Variants in DRC9 observed in about 807,000 individuals in gnomAD.
The protein encoded by DRC9 is dynein regulatory complex protein 9.
At chr3:197,920,266 T>C in the DRC9 span, among the ~76,000 whole-genome samples, 11 of 152,020 alleles carry the variant, frequency 7.2e-5, no homozygotes, top group Middle Eastern at 6.8e-3. Context: ...TGACTTAGAA[T>C]ACCGGCTGAT....
At chr3:197,912,809 CAA>C in the DRC9 span, 1 of 1,387,348 alleles carries the variant, frequency 7.2e-7, no homozygotes, top group South Asian at 1.2e-5. Flanking sequence ...CAGAAGTTCT[CAA>C]GATGAGAGCA....
At chr3:197,926,130 G>A in the DRC9 span, 3 of 1,296,788 alleles carry the variant, frequency 2.3e-6, no homozygotes, top group Admixed American at 3.4e-5. Context: ...AATGATTTGT[G>A]TTTAGAGCAG....
the DRC9 span, chr3:197,938,808 A>G: frequency 6.6e-7 from 1 of 1,519,404 alleles, no homozygotes; most frequent in South Asian, 1.2e-5. Context: ...AATTAGAAAG[A>G]ATTTTTTTAA....
chr3:197,921,211 A>C, the DRC9 span, among the ~76,000 whole-genome samples: 10 of 120,118 alleles, frequency 8.3e-5, no homozygotes, highest in Admixed American at 6.2e-4. Flanking sequence ...CCGGGGATGT[A>C]ACCTGATTTC....
At chr3:197,924,005 C>G in the DRC9 span, among the ~76,000 whole-genome samples, 10 of 151,812 alleles carry the variant, frequency 6.6e-5, no homozygotes, top group African/African-American at 2.4e-4. Flanking sequence ...TTGCAATGAA[C>G]TATAATTGTG....
At chr3:197,889,853 G>T in the DRC9 span, 2 of 968,312 alleles carry the variant, frequency 2.1e-6, no homozygotes, top group Non-Finnish European at 3.2e-6. Flanking sequence ...AGCCAGGCAC[G>T]TAATCACTTC....
At chr3:197,895,878 G>C in the DRC9 span, among the ~76,000 whole-genome samples, 1 of 150,804 alleles carries the variant, frequency 6.6e-6, no homozygotes, top group African/African-American at 2.5e-5. Context: ...GGGAGGCTGA[G>C]GCAAGAGGAT....
the DRC9 span, among the ~76,000 whole-genome samples, chr3:197,907,635 C>G: frequency 6.6e-6 from 1 of 152,230 alleles, no homozygotes; most frequent in South Asian, 2.1e-4. Flanking sequence ...TTTTATGTCC[C>G]ACTGTAACAT....
the DRC9 span, among the ~76,000 whole-genome samples, chr3:197,899,063 G>C: frequency 6.6e-6 from 1 of 152,134 alleles, no homozygotes; most frequent in Non-Finnish European, 1.5e-5. Flanking sequence ...AGATGAAACA[G>C]ATTATTTTCT....
the DRC9 span, chr3:197,951,193 C>A: frequency 6.2e-7 from 1 of 1,614,064 alleles, no homozygotes; most frequent in East Asian, 2.2e-5. Flanking sequence ...TGGCTATAAG[C>A]GGGGTCTCCG....
the DRC9 span, chr3:197,950,701 C>A: frequency 1.8e-6 from 1 of 563,518 alleles, no homozygotes; most frequent in Non-Finnish European, 3.1e-6. Flanking sequence ...TTTTGTGACT[C>A]CTGTCCCTTA....
chr3:197,941,031 T>C, the DRC9 span, among the ~76,000 whole-genome samples: 5 of 152,172 alleles, frequency 3.3e-5, no homozygotes, highest in Non-Finnish European at 7.3e-5. Context: ...TCATTCTTGA[T>C]ATTCCATGAT....
chr3:197,950,258 A>G, the DRC9 span: 1 of 1,230,358 alleles, frequency 8.1e-7, no homozygotes, highest in Non-Finnish European at 1.0e-6. Flanking sequence ...TTGGGGGCAA[A>G]TAACCGGAGT....
the DRC9 span, chr3:197,944,159 C>T: frequency 1.8e-5 from 17 of 927,914 alleles, no homozygotes; most frequent in East Asian, 7.2e-5. Context: ...TTCACATCGT[C>T]GTATAATAGA....
the DRC9 span, among the ~76,000 whole-genome samples, chr3:197,909,555 C>T: frequency 1.2e-4 from 18 of 152,180 alleles, no homozygotes; most frequent in African/African-American, 4.3e-4. Flanking sequence ...CAGAATGGTT[C>T]ACTAAATTTC....
At chr3:197,947,653 C>T in the DRC9 span, among the ~76,000 whole-genome samples, 2 of 152,218 alleles carry the variant, frequency 1.3e-5, no homozygotes, top group Non-Finnish European at 2.9e-5. Flanking sequence ...TAGGTGAAAT[C>T]TCTAACATTT....
At chr3:197,934,953 AGAGT>A in the DRC9 span, among the ~76,000 whole-genome samples, 2 of 152,134 alleles carry the variant, frequency 1.3e-5, no homozygotes, top group African/African-American at 4.8e-5. Context: ...CCTGAGTGAC[AGAGT>A]GAGACCCTGT....
At chr3:197,909,531 CCTAAATCTACTGACAGAATGGTTCA>C in the DRC9 span, among the ~76,000 whole-genome samples, 2 of 152,288 alleles carry the variant, frequency 1.3e-5, no homozygotes, top group Non-Finnish European at 2.9e-5. Context: ...CTGGAAACAA[CCTAAATCTACTGACAGAATGGTTCA>C]CTAAATTTCA....
the DRC9 span, among the ~76,000 whole-genome samples, chr3:197,948,968 G>T: frequency 3.4e-3 from 511 of 152,254 alleles, 3 homozygotes; most frequent in Non-Finnish European, 4.7e-3. Context: ...CAATATAGAA[G>T]TCAGATAGAG....
Sources: allele counts gnomAD v4.1 joint callset (sites outside exome capture counted in the v4.1 genomes callset), GRCh38; gene constraint gnomAD v4.1.1; transcripts MANE v1.5; gene names NCBI Gene and HGNC (gene_info 2026-07-23, HGNC 2026-07-21).